Variants in BRAF observed in about 807,000 individuals in gnomAD.
BRAF encodes the protein serine/threonine-protein kinase B-raf.
A neutral mutation model predicts 104.6 loss-of-function variants in BRAF; 16 were observed. The observed-to-expected ratio is 0.15, with a 90% CI of 0.10 to 0.23. The LOEUF (loss-of-function observed/expected upper bound fraction) is 0.23, where lower values mean the gene tolerates loss of function less well. BRAF is among the 10% of genes least tolerant of loss of function. BRAF has a pLI of 1.00. For missense variants in BRAF, 541 were observed against 937.3 expected (o/e 0.58, Z 5.52); for synonymous variants, 310 against 341.6 (o/e 0.91, Z 1.02).
rs1795394375 is a variant in BRAF, at chr7:140,723,032, T to C, written c.*3462A>G. ...TCGTCATGTTCTAGAGCTCCTGACT[T>C]TTCATATTTTAAAATAAATAACTAT... On this transcript the variant is annotated 3_prime_UTR_variant, in exon 20 of 20. Coordinates refer to ENST00000644969, the MANE Select transcript of BRAF (RefSeq NM_001374258.1). 1.9e-6 allele frequency: 2 copies of C among 1,051,870 alleles called. No individual in the cohort carries two copies. Among genetic ancestry groups the C allele is most frequent in the Non-Finnish European group, 2.3e-6 (2 of 870,916 alleles). 65.2% of individuals were successfully genotyped at this position (1,051,870 alleles called of 1,614,324 possible).
At chr7:140,779,070 A>C (rs936275061) in intron 12 of BRAF, among the ~76,000 whole-genome samples, 2 of 152,210 alleles carry the variant, frequency 1.3e-5, no homozygotes, top group Non-Finnish European at 2.9e-5. Context: ...TCACACAACA[A>C]TATAGATGAA....
In BRAF at chr7:140,725,683, T is replaced by G. The variant is rs1334206089; in HGVS notation, c.*811A>C. ...GATATAAACTGTATTTCCTGAGAAT[T>G]TGCTACATTGTGGAGGAAAAAAAAA... On this transcript the variant is annotated 3_prime_UTR_variant, in exon 20 of 20. Coordinates refer to ENST00000644969, the MANE Select transcript of BRAF (RefSeq NM_001374258.1). The G allele has an allele frequency of 3.8e-6, 4 of 1,058,472 alleles. No homozygotes were observed. The African/African-American group carries it at 6.7e-5, about 18-fold the overall frequency. The allele number at this position is 1,058,472 out of a possible 1,614,324, so 65.6% of individuals were successfully genotyped here. A position where few individuals can be genotyped will look rare whatever the true frequency, so the allele number is the denominator to read the frequency against.
chr7:140,741,555 C>T (rs1271734204), intron 17 of BRAF: 1 of 152,132 alleles, frequency 6.6e-6, no homozygotes, highest in Admixed American at 6.5e-5. Flanking sequence ...TCATTTACTG[C>T]CTTGTATGGT....
At chr7:140,859,629 TAAACA>T (rs1475695604) in intron 1 of BRAF, among the ~76,000 whole-genome samples, 1 of 151,292 alleles carries the variant, frequency 6.6e-6, no homozygotes, top group Non-Finnish European at 1.5e-5. Context: ...TGTAGTGCAA[TAAACA>T]AAATTCCAAA....
intron 1 of BRAF, among the ~76,000 whole-genome samples, chr7:140,875,290 CA>C (rs1171177240): frequency 6.6e-6 from 1 of 152,156 alleles, no homozygotes; most frequent in Non-Finnish European, 1.5e-5. Flanking sequence ...ACTACAGATT[CA>C]AAAAGGTCGG....
intron 5 of BRAF, among the ~76,000 whole-genome samples, chr7:140,802,740 A>G (rs1400919674): frequency 6.6e-6 from 1 of 152,182 alleles, no homozygotes; most frequent in Non-Finnish European, 1.5e-5. Flanking sequence ...TGTTATTTCA[A>G]GAGTCAAAAA....
intron 1 of BRAF, among the ~76,000 whole-genome samples, chr7:140,858,233 T>G (rs182031432): frequency 6.6e-6 from 1 of 152,260 alleles, no homozygotes; most frequent in Admixed American, 6.5e-5. Context: ...ACCCAACATA[T>G]GCCTCTTGAT....
intron 14 of BRAF, among the ~76,000 whole-genome samples, chr7:140,759,662 A>T (rs977286258): frequency 1.9e-4 from 29 of 152,360 alleles, no homozygotes; most frequent in African/African-American, 7.0e-4. Flanking sequence ...CTGGGATTAG[A>T]GGCGTGAGCC....
chr7:140,761,757 G>A (rs2129005978), intron 14 of BRAF, among the ~76,000 whole-genome samples: 1 of 152,266 alleles, frequency 6.6e-6, no homozygotes, highest in South Asian at 2.1e-4. Flanking sequence ...TGATAAAACA[G>A]ACTTTAAACC....
At chr7:140,790,164 C>A (rs1024045145) in intron 8 of BRAF, among the ~76,000 whole-genome samples, 4 of 152,196 alleles carry the variant, frequency 2.6e-5, no homozygotes, top group Non-Finnish European at 5.9e-5. Flanking sequence ...GAAGGAACTA[C>A]AAGACAAAGG....
chr7:140,756,948 T>C (rs1294377002), intron 14 of BRAF, among the ~76,000 whole-genome samples: 2 of 152,300 alleles, frequency 1.3e-5, no homozygotes, highest in Non-Finnish European at 1.5e-5. Context: ...CAGAGCATAA[T>C]GTGGTGCCCC....
chr7:140,809,105 G>A (rs1398849813), intron 3 of BRAF, 110 bp from the exon 4 acceptor site: 2 of 782,738 alleles, frequency 2.6e-6, no homozygotes, highest in Non-Finnish European at 2.2e-6. Context: ...GGGTTACTAG[G>A]TCAGATACAA....
At chr7:140,900,881 G>C (rs186946606) in intron 1 of BRAF, among the ~76,000 whole-genome samples, 57 of 152,326 alleles carry the variant, frequency 3.7e-4, no homozygotes, top group African/African-American at 1.3e-3. Flanking sequence ...AAAGTGCTGA[G>C]ATTACAGCCA....
At chr7:140,803,561 C>T (rs1386618925) in intron 5 of BRAF, among the ~76,000 whole-genome samples, 4 of 152,052 alleles carry the variant, frequency 2.6e-5, no homozygotes, top group African/African-American at 9.7e-5. Context: ...ACCTAAAAGA[C>T]AATAAGATCT....
At chr7:140,739,706 T>C in intron 18 of BRAF, 106 bp downstream of exon 17, 5 of 1,338,808 alleles carry the variant, frequency 3.7e-6, no homozygotes, top group Admixed American at 1.7e-5. Context: ...AGTCTGCACA[T>C]AGAATCCAAA....
At chr7:140,865,371 C>T (rs542992391) in intron 1 of BRAF, among the ~76,000 whole-genome samples, 108 of 152,288 alleles carry the variant, frequency 7.1e-4, no homozygotes, top group Non-Finnish European at 1.3e-3. Flanking sequence ...TGAGCCACTG[C>T]GCCCAGCCAG....
chr7:140,852,286 C>T (rs55720380), intron 1 of BRAF, among the ~76,000 whole-genome samples: 8,452 of 151,410 alleles, frequency 0.056, 283 homozygotes, highest in South Asian at 0.11. Context: ...GGAGGATTAC[C>T]TGAGCCCAGG....
At chr7:140,830,170 G>A (rs190739220) in intron 3 of BRAF, among the ~76,000 whole-genome samples, 1 of 152,230 alleles carries the variant, frequency 6.6e-6, no homozygotes, top group East Asian at 1.9e-4. Flanking sequence ...AGTACATCCT[G>A]AGCTATAATA....
At chr7:140,882,037 G>A (rs1185717241) in intron 1 of BRAF, among the ~76,000 whole-genome samples, 3 of 152,026 alleles carry the variant, frequency 2.0e-5, no homozygotes, top group Non-Finnish European at 2.9e-5. Context: ...GAAAAATGGC[G>A]CTAACAGACT....
Sources: allele counts gnomAD v4.1 joint callset (sites outside exome capture counted in the v4.1 genomes callset), GRCh38; gene constraint gnomAD v4.1.1; transcripts MANE v1.5; gene names NCBI Gene and HGNC (gene_info 2026-07-23, HGNC 2026-07-21).